CCNL1: variants seen among roughly 807,000 people sequenced by gnomAD.
The protein encoded by CCNL1 is cyclin-L1.
Under a neutral mutation model 60.6 loss-of-function variants are expected in CCNL1, and 13 were observed. The observed-to-expected ratio is 0.21, with a 90% CI of 0.14 to 0.34. CCNL1 has a LOEUF of 0.34. Ranked by LOEUF, CCNL1 falls within the 10% of genes least tolerant of loss-of-function variation. The pLI, the probability that CCNL1 is intolerant of heterozygous loss-of-function variation, is 1.00. For synonymous variants in CCNL1, 270 were observed against 244.3 expected (o/e 1.10, Z -0.98); for missense variants, 481 against 664.3 (o/e 0.72, Z 3.03).
At chr3:157,154,878 G>C (rs1055973914) in intron 3 of CCNL1, among the ~76,000 whole-genome samples, 10 of 151,732 alleles carry the variant, frequency 6.6e-5, no homozygotes, top group Non-Finnish European at 1.3e-4. Flanking sequence ...ATTGCTCTTT[G>C]GAAAATAAGT....
chr3:157,145,345 G>A (rs566498139), downstream of CCNL1, among the ~76,000 whole-genome samples: 575 of 149,274 alleles, frequency 3.9e-3, 7 homozygotes, highest in Non-Finnish European at 7.0e-3. Flanking sequence ...GGCTGAGGCA[G>A]GAGAATGGCA....
chr3:157,159,722 A>G, intron 1 of CCNL1, 70 bp downstream of exon 1: 1 of 1,329,672 alleles, frequency 7.5e-7, no homozygotes. Context: ...GCACGGTGAT[A>G]CTGAGATGCG....
chr3:157,152,423 T>C, intron 4 of CCNL1, 182 bp from the exon 5 acceptor site: 1 of 1,292,878 alleles, frequency 7.7e-7, no homozygotes, highest in Non-Finnish European at 9.8e-7. Context: ...TTTATATAAA[T>C]TATGTTTAGA....
At chr3:157,149,785 A>T (rs1375251019) in intron 8 of CCNL1, 51 bp downstream of exon 8, 5 of 1,585,990 alleles carry the variant, frequency 3.2e-6, no homozygotes, top group Non-Finnish European at 3.4e-6. Flanking sequence ...CTCTCTAATA[A>T]AGACACACTT....
intron 1 of CCNL1, 23 bp from the exon 2 acceptor site, chr3:157,159,502 G>A: frequency 6.8e-6 from 11 of 1,606,244 alleles, no homozygotes; most frequent in Non-Finnish European, 9.4e-6. Flanking sequence ...GAGGAGAACG[G>A]AAGCGCAGGG....
At chr3:157,149,442 TAA>T (rs1172733651) in intron 9 of CCNL1, 41 bp downstream of exon 9, 12 of 1,606,500 alleles carry the variant, frequency 7.5e-6, no homozygotes, top group Non-Finnish European at 1.0e-5. Flanking sequence ...AGTAAACACA[TAA>T]AAGATTCCTC....
intron 1 of CCNL1, 95 bp from the exon 2 acceptor site, chr3:157,159,574 C>G (rs1738909530): frequency 8.2e-7 from 1 of 1,226,512 alleles, no homozygotes; most frequent in African/African-American, 1.5e-5. Context: ...TCCCTTTCCC[C>G]TCCCGCCGCC....
Position 157,150,165 on chromosome 3 carries a change from G to A in CCNL1, c.779C>T (p.Pro260Leu), listed in dbSNP as rs748483273. The change falls in exon 7 of 11, where the codon CCG becomes CTG. Residue 260 changes from proline (P) to leucine (L), a missense_variant. Around this residue, in one of 5 missense-constraint regions of CCNL1, gnomAD observed 75 missense variants for 129.6 expected, o/e 0.58. Coordinates refer to ENST00000295926, the MANE Select transcript of CCNL1 (RefSeq NM_020307.4). ...IYLAARALQI[P>L]LPTRPHWFLL... ...AAACCAATGGGGACGAGTTGGCAAC[G>A]GAATCTAAACCATAAGAACAGAATG... The A allele has an allele frequency of 1.2e-5, 19 of 1,611,088 alleles. No homozygotes were observed. Among genetic ancestry groups the A allele is most frequent in the African/African-American group, 8.0e-5 (6 of 74,548 alleles).
intron 5 of CCNL1, 92 bp downstream of exon 5, chr3:157,152,085 T>C (rs1738238209): frequency 1.2e-5 from 18 of 1,554,812 alleles, no homozygotes; most frequent in Non-Finnish European, 1.6e-5. Flanking sequence ...CCAAACAAAC[T>C]TATCTCATTA....
In CCNL1 at chr3:157,148,531, G is replaced by C; in HGVS notation, c.1291C>G (p.Arg431Gly). 1.9e-6 allele frequency: 3 copies of C among 1,614,106 alleles called. No homozygotes were observed. The highest frequency in any genetic ancestry group is 2.2e-5 in the South Asian group (2 of 91,082). ...CTTCGAGGGCTTTCACTGTGACTGC[G>C]GGACCTGCTTCTTGATCTCGAGCTG... ...TYSSRSRSRS[R>G]SHSESPRRHH... The change falls in exon 11 of 11, where the codon CGC (arginine) becomes GGC (glycine). Residue 431 changes from arginine (R) to glycine (G), a missense_variant. By Grantham distance (125) the Arg-to-Gly change is moderately radical. This residue lies in a region of CCNL1 where 197 missense variants were observed against 233.9 expected (regional missense o/e 0.84). Coordinates refer to ENST00000295926, the MANE Select transcript of CCNL1 (RefSeq NM_020307.4).
At chr3:157,151,898 G>A in intron 5 of CCNL1, 1 of 1,257,060 alleles carries the variant, frequency 8.0e-7, no homozygotes, top group Non-Finnish European at 1.0e-6. Flanking sequence ...AGTGCAGAGG[G>A]CAGAGTTCTA....
chr3:157,155,925 G>A (rs1237432614), intron 3 of CCNL1, among the ~76,000 whole-genome samples: 1 of 152,078 alleles, frequency 6.6e-6, no homozygotes, highest in East Asian at 1.9e-4. Flanking sequence ...TCTGCTTTAA[G>A]TTTCTATTGT....
At chr3:157,159,171 C>T in intron 2 of CCNL1, 196 bp from the exon 3 acceptor site, 1 of 629,834 alleles carries the variant, frequency 1.6e-6, no homozygotes, top group South Asian at 2.0e-5. Context: ...CAAACTCAAT[C>T]TTACAGGAGT....
chr3:157,147,870 A>G lies in CCNL1; in HGVS notation c.*371T>C, dbSNP rs1737854077. The G allele has an allele frequency of 3.0e-6, 3 of 997,778 alleles. No individual in the cohort carries two copies. Among genetic ancestry groups the G allele is most frequent in the Non-Finnish European group, 3.6e-6 (3 of 838,184 alleles). 61.8% of individuals were successfully genotyped at this position (997,778 alleles called of 1,614,324 possible). A position where few individuals can be genotyped will look rare whatever the true frequency, so the allele number is the denominator to read the frequency against. On this transcript the variant is annotated 3_prime_UTR_variant, in exon 11 of 11. Transcript: ENST00000295926. ...CATGCAGACAAACCAGTGTTAAGAA[A>G]GTATTCACCATCATTTAAACAAATA... is the stretch of plus-strand genomic sequence containing the variant.
Position 157,148,211 on chromosome 3 carries a change from GA to G in CCNL1, c.*29del, listed in dbSNP as rs758957176. 1.9e-6 allele frequency: 3 copies of G among 1,596,318 alleles called. No individual in the cohort carries two copies. The highest frequency in any genetic ancestry group is 2.6e-6 in the Non-Finnish European group (3 of 1,171,192). On this transcript the variant is annotated 3_prime_UTR_variant, in exon 11 of 11. Transcript: ENST00000295926. ...TCACACTGTAGATAGGCAAAACCAAGAACTGATGCAGGCTCAAAGGAAGAGA... is the reference window on the plus strand; with the variant it reads ...TCACACTGTAGATAGGCAAAACCAAGACTGATGCAGGCTCAAAGGAAGAGA...
intron 3 of CCNL1, chr3:157,153,985 T>G (rs978200043): frequency 9.2e-5 from 14 of 152,140 alleles, no homozygotes; most frequent in African/African-American, 3.1e-4. Context: ...GCTTTACTAT[T>G]AACACAGAAG....
At chr3:157,151,942 G>C in intron 5 of CCNL1, 1 of 1,311,430 alleles carries the variant, frequency 7.6e-7, no homozygotes, top group Non-Finnish European at 9.8e-7. Context: ...TTTAATTAAA[G>C]AGTAGAAAAA....
chr3:157,152,592 T>C, intron 4 of CCNL1: 1 of 1,078,826 alleles, frequency 9.3e-7, no homozygotes, highest in Non-Finnish European at 1.1e-6. Context: ...ACTCTATGGC[T>C]TATATTGATA....
rs189511203 is a variant in CCNL1 at position 157,160,110 on chromosome 3, C to G, written c.-16G>C. The G allele has an allele frequency of 1.3e-6, 2 of 1,533,270 alleles. No homozygotes were observed. The highest frequency in any genetic ancestry group is 4.9e-5 in the East Asian group (2 of 40,834). The allele number at this position is 1,533,270 out of a possible 1,614,324, so 95.0% of individuals were successfully genotyped here. A position where few individuals can be genotyped will look rare whatever the true frequency, so the allele number is the denominator to read the frequency against. On this transcript the variant is annotated 5_prime_UTR_variant, in exon 1 of 11. Coordinates refer to ENST00000295926, the MANE Select transcript of CCNL1 (RefSeq NM_020307.4). Reference sequence around the variant, plus strand: ...CGGACGCCATAGTCTTAGCGAGCCGCACGCAAGCCCAACGCAGCCGGAACC... The same window carrying G: ...CGGACGCCATAGTCTTAGCGAGCCGGACGCAAGCCCAACGCAGCCGGAACC...
Sources: allele counts gnomAD v4.1 joint callset (sites outside exome capture counted in the v4.1 genomes callset), GRCh38; gene constraint gnomAD v4.1.1; regional missense constraint gnomAD v4.1.1; transcripts MANE v1.5; gene names NCBI Gene and HGNC (gene_info 2026-07-23, HGNC 2026-07-21).